The following NEK11 variants were observed in gnomAD, a reference collection of about 807,000 sequenced individuals.
The protein encoded by NEK11 is NIMA related kinase 11, also known as serine/threonine-protein kinase Nek11.
In NEK11, 72 loss-of-function variants were observed where a neutral mutation model predicts 80.7. That is an observed-to-expected ratio of 0.89 (90% CI 0.74 to 1.08). The LOEUF (loss-of-function observed/expected upper bound fraction) is 1.08, where lower values mean the gene tolerates loss of function less well. Ranked by LOEUF, NEK11 falls within the 50% of genes least tolerant of loss-of-function variation. The pLI is 0.00. For missense variants in NEK11, 764 were observed against 763.6 expected (o/e 1.00, Z -0.01); for synonymous variants, 251 against 260.7 (o/e 0.96, Z 0.36).
chr3:131,061,916 T>C (rs561767859), intron 3 of NEK11, among the ~76,000 whole-genome samples: 1 of 152,298 alleles, frequency 6.6e-6, no homozygotes, highest in Admixed American at 6.5e-5. Flanking sequence ...TCATTCTTGA[T>C]GTCATCAGCA....
chr3:131,170,271 G>T (rs148829896), intron 13 of NEK11, among the ~76,000 whole-genome samples: 3 of 152,162 alleles, frequency 2.0e-5, no homozygotes, highest in African/African-American at 7.2e-5. Context: ...TTTGAAGTGT[G>T]AATTCTTTCA....
At chr3:131,313,381 T>C (rs1384273445) in intron 17 of NEK11, among the ~76,000 whole-genome samples, 1 of 152,206 alleles carries the variant, frequency 6.6e-6, no homozygotes, top group Non-Finnish European at 1.5e-5. Context: ...TTTTAGCTTT[T>C]TGAGGAATCT....
At chr3:131,255,050 G>GAC (rs1553966347) in intron 16 of NEK11, among the ~76,000 whole-genome samples, 6 of 132,632 alleles carry the variant, frequency 4.5e-5, no homozygotes, top group Admixed American at 2.4e-4. Context: ...GAGAGAGAGA[G>GAC]AGACAGACAG....
chr3:131,284,644 C>A (rs1022302675), intron 17 of NEK11, among the ~76,000 whole-genome samples: 1 of 152,146 alleles, frequency 6.6e-6, no homozygotes, highest in African/African-American at 2.4e-5. Context: ...TCTGGGTGGG[C>A]ACTATCTAAT....
At position 131,349,696 on chromosome 3, in the gene NEK11, G is replaced by C. The variant is rs2110620486; in HGVS notation, c.1858G>C (p.Glu620Gln). The change falls in exon 18 of 18, where the codon GAA (glutamate) becomes CAA (glutamine). Residue 620 changes from glutamate to glutamine, a missense_variant. Glu to Gln is a conservative substitution (Grantham distance 29). Transcript: ENST00000383366. ...KVVPQASDCF[E>Q]VDQLLYFEEQ... ...GGTGCCTCAAGCCAGCGACTGTTTT[G>C]AAGTGGACCAGCTCCTGTACTTTGA... 1.2e-6 allele frequency: 2 copies of C among 1,614,122 alleles called. No homozygotes were observed. Among genetic ancestry groups the C allele is most frequent in the East Asian group, 4.5e-5 (2 of 44,886 alleles).
chr3:131,207,447 G>A (rs1168822068), intron 14 of NEK11, among the ~76,000 whole-genome samples: 1 of 152,146 alleles, frequency 6.6e-6, no homozygotes, highest in African/African-American at 2.4e-5. Flanking sequence ...GCTGGGCGCG[G>A]TGGCAGGCAC....
At chr3:131,287,722 C>A (rs1424370050) in intron 17 of NEK11, among the ~76,000 whole-genome samples, 1 of 152,154 alleles carries the variant, frequency 6.6e-6, no homozygotes, top group Non-Finnish European at 1.5e-5. Context: ...GTCCTTCAAC[C>A]CTCCAGATGC....
chr3:131,317,831 A>AGGGGAAGGGGAGGGGGGAGGGGT (rs1209789551), intron 17 of NEK11, among the ~76,000 whole-genome samples: 1 of 112,304 alleles, frequency 8.9e-6, no homozygotes, highest in East Asian at 3.2e-4. Flanking sequence ...AGGGGAGGGG[A>AGGGGAAGGGGAGGGGGGAGGGGT]GGGAACGAGA....
intron 3 of NEK11, among the ~76,000 whole-genome samples, chr3:131,063,610 G>A (rs2071329641): frequency 6.6e-6 from 1 of 152,180 alleles, no homozygotes; most frequent in East Asian, 1.9e-4. Flanking sequence ...AGTCCCGATA[G>A]ATAGGGTCCA....
At chr3:131,235,119 C>T (rs889996768) in intron 15 of NEK11, among the ~76,000 whole-genome samples, 4 of 152,164 alleles carry the variant, frequency 2.6e-5, no homozygotes, top group Admixed American at 6.5e-5. Context: ...GGTGGCTGAT[C>T]AGAGGTCCAC....
intron 4 of NEK11, among the ~76,000 whole-genome samples, chr3:131,105,506 G>C (rs2149308829): frequency 1.3e-5 from 2 of 152,318 alleles, no homozygotes; most frequent in Middle Eastern, 6.8e-3. Flanking sequence ...AAAGGAAAGA[G>C]GTTTAATTGA....
chr3:131,275,849 A>T (rs2096282338), intron 17 of NEK11, among the ~76,000 whole-genome samples: 1 of 152,252 alleles, frequency 6.6e-6, no homozygotes, highest in Admixed American at 6.5e-5. Context: ...CATAGAGATT[A>T]TAATGTAGAG....
intron 14 of NEK11, among the ~76,000 whole-genome samples, chr3:131,196,773 C>T (rs527639571): frequency 8.6e-5 from 13 of 151,876 alleles, no homozygotes; most frequent in East Asian, 3.9e-4. Context: ...CCTTGTGATC[C>T]GCCCTCCCAA....
intron 3 of NEK11, among the ~76,000 whole-genome samples, chr3:131,044,160 A>G (rs58142922): frequency 0.15 from 23,347 of 152,098 alleles, 1,860 homozygotes; most frequent in Non-Finnish European, 0.17. Context: ...AAATGTAAAG[A>G]CCATCAACAC....
At chr3:131,266,515 TTGAG>T (rs2096061449) in intron 16 of NEK11, among the ~76,000 whole-genome samples, 3 of 152,216 alleles carry the variant, frequency 2.0e-5, no homozygotes, top group Admixed American at 2.0e-4. Flanking sequence ...GTTGTGTGGT[TTGAG>T]TGAGTTTCTT....
intron 4 of NEK11, among the ~76,000 whole-genome samples, chr3:131,102,487 A>G (rs2078530834): frequency 6.6e-6 from 1 of 152,216 alleles, no homozygotes; most frequent in Non-Finnish European, 1.5e-5. Context: ...TTTATTTAAG[A>G]GTGCTGAAAA....
intron 17 of NEK11, among the ~76,000 whole-genome samples, chr3:131,346,647 CTG>C (rs1171278451): frequency 6.6e-6 from 1 of 152,070 alleles, no homozygotes; most frequent in African/African-American, 2.4e-5. Context: ...ATGAAATTAA[CTG>C]TGAGGAGGTA....
chr3:131,028,671 C>T lies in NEK11; in HGVS notation c.-97+669C>T, dbSNP rs1052926916. ...CCGCCTCCTGGGTTCACGCTATTCT[C>T]CTGCCTCAGCCTCCCGAGTAGCTGG... is the stretch of plus-strand genomic sequence containing the variant. On this transcript the variant is annotated intron_variant, in intron 2 of 17. Transcript: ENST00000383366. 2.6e-5 allele frequency among the ~76,000 whole-genome samples: 4 copies of T among 152,220 alleles called. No homozygotes were observed. In the East Asian group the frequency reaches 5.8e-4, roughly 22 times the overall value.
intron 5 of NEK11, among the ~76,000 whole-genome samples, chr3:131,123,855 C>T (rs934314546): frequency 7.9e-5 from 12 of 152,066 alleles, no homozygotes; most frequent in Non-Finnish European, 1.5e-4. Flanking sequence ...TTAAGACACT[C>T]TTAATTGCAA....
Sources: allele counts gnomAD v4.1 joint callset (sites outside exome capture counted in the v4.1 genomes callset), GRCh38; gene constraint gnomAD v4.1.1; transcripts MANE v1.5; gene names NCBI Gene and HGNC (gene_info 2026-07-23, HGNC 2026-07-21).